Variants in AGBL1 observed in about 807,000 individuals in gnomAD.
The protein encoded by AGBL1 is cytosolic carboxypeptidase 4.
A neutral mutation model predicts 118.9 loss-of-function variants in AGBL1; 130 were observed. The observed-to-expected ratio is 1.09, with a 90% CI of 0.95 to 1.26. The LOEUF is 1.26. AGBL1 is among the 50% of genes most tolerant of loss of function. AGBL1 has a pLI of 0.00. For synonymous variants in AGBL1, 555 were observed against 478.9 expected, an observed-to-expected ratio of 1.16 and a Z score of -2.08; for missense variants, 1,584 against 1,298.1, an observed-to-expected ratio of 1.22 and a Z score of -3.38.
intron 18 of AGBL1, among the ~76,000 whole-genome samples, chr15:86,418,557 G>A (rs1345231488): frequency 1.3e-5 from 2 of 152,168 alleles, no homozygotes; most frequent in African/African-American, 2.4e-5. Flanking sequence ...GAAGATCAGT[G>A]TCAAGCTCAC....
rs185117816 is a variant in AGBL1 at position 86,634,136 on chromosome 15, C to T, written c.2995-40137C>T. ...GCGAGAATGTAACGTGGTGAAATCA[C>T]TTTGGAAAACAGTGTGGCAATTCTT... On this transcript the variant is annotated intron_variant, in intron 21 of 22. Transcript: ENST00000614907. Among the ~76,000 whole-genome samples the T allele has an allele frequency of 9.2e-5, 14 of 152,184 alleles. 1 individual carries two copies. Among genetic ancestry groups the T allele is most frequent in the African/African-American group, 3.4e-4 (14 of 41,536 alleles).
At chr15:86,083,227 C>G (rs1375035551) in intron 1 of AGBL1, 1 of 152,070 alleles carries the variant, frequency 6.6e-6, no homozygotes, top group Non-Finnish European at 1.5e-5. Context: ...TTGTCCTGCT[C>G]TCGTCTCTCC....
At chr15:87,022,094 G>C (rs1275296730) in intron 24 of AGBL1, among the ~76,000 whole-genome samples, 2 of 152,020 alleles carry the variant, frequency 1.3e-5, no homozygotes, top group Non-Finnish European at 2.9e-5. Flanking sequence ...TAGGAAAAGG[G>C]GGAGAGTACT....
chr15:86,884,653 A>G (rs370097534), intron 22 of AGBL1, among the ~76,000 whole-genome samples: 8 of 152,176 alleles, frequency 5.3e-5, no homozygotes, highest in African/African-American at 1.9e-4. Flanking sequence ...CTCTACCAAA[A>G]ATACCAAAAT....
intron 22 of AGBL1, among the ~76,000 whole-genome samples, chr15:86,752,992 A>G (rs1309147558): frequency 6.6e-6 from 1 of 152,068 alleles, no homozygotes; most frequent in African/African-American, 2.4e-5. Flanking sequence ...CCCTTTCTTC[A>G]GTCCTTCTAA....
At chr15:86,902,901 T>G (rs1407070255) in intron 22 of AGBL1, among the ~76,000 whole-genome samples, 1 of 152,206 alleles carries the variant, frequency 6.6e-6, no homozygotes, top group Non-Finnish European at 1.5e-5. Context: ...TTTGGCTTTA[T>G]CTGTTTGGGG....
chr15:86,118,522 G>T (rs1160593314), intron 1 of AGBL1, among the ~76,000 whole-genome samples: 13 of 151,388 alleles, frequency 8.6e-5, no homozygotes, highest in African/African-American at 2.7e-4. Flanking sequence ...TCCTTTATTT[G>T]GTTGCTCTAG....
At chr15:86,300,296 G>A (rs1448229503) in intron 17 of AGBL1, among the ~76,000 whole-genome samples, 1 of 152,050 alleles carries the variant, frequency 6.6e-6, no homozygotes, top group African/African-American at 2.4e-5. Context: ...AGAAAGTTGA[G>A]TCCCATTTTA....
intron 22 of AGBL1, among the ~76,000 whole-genome samples, chr15:86,802,627 C>T (rs1026870217): frequency 1.3e-5 from 2 of 152,084 alleles, no homozygotes; most frequent in African/African-American, 4.8e-5. Flanking sequence ...TAAGGGGAAG[C>T]TGGGAATATG....
intron 7 of AGBL1, 56 bp downstream of exon 7, chr15:86,247,935 G>T: frequency 6.3e-7 from 1 of 1,576,218 alleles, no homozygotes. Context: ...GATTCCTGAA[G>T]GCTGTCATTT....
chr15:86,404,137 C>T (rs536945374), intron 18 of AGBL1, among the ~76,000 whole-genome samples: 7 of 152,250 alleles, frequency 4.6e-5, no homozygotes, highest in Admixed American at 3.3e-4. Context: ...TTCTGAAATT[C>T]ATCTTGCTGA....
At chr15:86,177,819 A>AT (rs2077501469) in intron 5 of AGBL1, among the ~76,000 whole-genome samples, 1 of 152,234 alleles carries the variant, frequency 6.6e-6, no homozygotes, top group Non-Finnish European at 1.5e-5. Context: ...GTAGGCACAT[A>AT]TCAGAAAAGA....
At position 86,193,561 on chromosome 15, in the gene AGBL1, G is replaced by T. The variant is rs138362566; in HGVS notation, c.489-31353G>T. Reference sequence around the variant, plus strand: ...GCTTTGGCTTAATGTCAGGCTTGGGGTGCTTGAGACTTGTACACAGGCACA... The same window carrying T: ...GCTTTGGCTTAATGTCAGGCTTGGGTTGCTTGAGACTTGTACACAGGCACA... On this transcript the variant is annotated intron_variant, in intron 5 of 22. Coordinates refer to ENST00000614907, the MANE Select transcript of AGBL1 (RefSeq NM_001386094.1). 2.0e-4 allele frequency among the ~76,000 whole-genome samples: 30 copies of T among 152,240 alleles called. No homozygotes were observed. The East Asian group carries it at 5.6e-3, about 28-fold the overall frequency.
chr15:86,494,737 TTACTC>T (rs2082825904), intron 18 of AGBL1, among the ~76,000 whole-genome samples: 1 of 152,110 alleles, frequency 6.6e-6, no homozygotes, highest in Non-Finnish European at 1.5e-5. Context: ...ATGTCATCCT[TTACTC>T]TAGAACATTG....
At chr15:86,374,523 C>T (rs527290650) in intron 17 of AGBL1, among the ~76,000 whole-genome samples, 1 of 152,290 alleles carries the variant, frequency 6.6e-6, no homozygotes, top group East Asian at 1.9e-4. Flanking sequence ...CTTTCCCATC[C>T]CAGTCCCTCT....
intron 22 of AGBL1, among the ~76,000 whole-genome samples, chr15:86,755,225 A>G (rs192927213): frequency 2.1e-4 from 32 of 152,238 alleles, no homozygotes; most frequent in Non-Finnish European, 3.8e-4. Flanking sequence ...GGATGACCTA[A>G]TGTTTTTGGC....
At chr15:86,722,960 T>C (rs1439442652) in intron 22 of AGBL1, among the ~76,000 whole-genome samples, 1 of 151,894 alleles carries the variant, frequency 6.6e-6, no homozygotes, top group Non-Finnish European at 1.5e-5. Context: ...TGAGATACCA[T>C]CTCCCACCAG....
chr15:86,266,231 A>G (rs2079068587), intron 11 of AGBL1, 143 bp from the exon 12 acceptor site: 1 of 507,052 alleles, frequency 2.0e-6, no homozygotes, highest in Non-Finnish European at 3.5e-6. Context: ...GTATGCTCTG[A>G]GCTCAAAGTT....
chr15:86,630,674 C>T (rs556248365), intron 21 of AGBL1: 7 of 152,366 alleles, frequency 4.6e-5, no homozygotes, highest in African/African-American at 1.4e-4. Flanking sequence ...TTCAATTTAA[C>T]CTTCTGTCTT....
Sources: allele counts gnomAD v4.1 joint callset (sites outside exome capture counted in the v4.1 genomes callset), GRCh38; gene constraint gnomAD v4.1.1; transcripts MANE v1.5; gene names NCBI Gene and HGNC (gene_info 2026-07-23, HGNC 2026-07-21).